CACNA1D: variants seen among roughly 807,000 people sequenced by gnomAD.
CACNA1D encodes the protein calcium voltage-gated channel subunit alpha1 D, also known as voltage-dependent L-type calcium channel subunit alpha-1D.
A neutral mutation model predicts 257.1 loss-of-function variants in CACNA1D; 55 were observed. That is an observed-to-expected ratio of 0.21 (90% CI 0.17 to 0.27). The LOEUF is 0.27. Among genes scored for constraint, CACNA1D ranks in the 10% least tolerant of loss-of-function variants. The probability of loss-of-function intolerance (pLI) is 1.00; values close to 1 mark genes in which losing one functional copy is unlikely to be tolerated. For missense variants in CACNA1D, 1,876 were observed against 2,784.0 expected, an observed-to-expected ratio of 0.67 and a Z score of 7.34; for synonymous variants, 980 against 1,014.9, an observed-to-expected ratio of 0.97 and a Z score of 0.65.
intron 8 of CACNA1D, among the ~76,000 whole-genome samples, chr3:53,699,872 C>G (rs1187455597): frequency 6.6e-6 from 1 of 151,862 alleles, no homozygotes; most frequent in African/African-American, 2.4e-5. Context: ...TTTACTTATG[C>G]CTGCTTACCT....
At chr3:53,633,380 G>A (rs768513206) in intron 3 of CACNA1D, among the ~76,000 whole-genome samples, 21 of 152,276 alleles carry the variant, frequency 1.4e-4, no homozygotes, top group Middle Eastern at 3.4e-3. Flanking sequence ...CCGGCTGCTC[G>A]GGAGGCGGAG....
At chr3:53,791,192 C>T (rs1018363223) in intron 40 of CACNA1D, 18 of 584,892 alleles carry the variant, frequency 3.1e-5, no homozygotes, top group South Asian at 2.6e-4. Context: ...AAGGTGGAAG[C>T]GGGGCCGTGG....
Position 53,673,650 on chromosome 3 carries a change from G to A in CACNA1D, c.1220+524G>A. The A allele has an allele frequency of 8.1e-7, 1 of 1,236,662 alleles. No homozygotes were observed. The highest frequency in any genetic ancestry group is 1.2e-6 in the Non-Finnish European group (1 of 835,602). The allele number at this position is 1,236,662 out of a possible 1,614,324, so 76.6% of individuals were successfully genotyped here. A position where few individuals can be genotyped will look rare whatever the true frequency, so the allele number is the denominator to read the frequency against. ...CAAAGCACTGAGAGGTTTGGCAGCT[G>A]CAACTGGGGCTCTGCTCTTTAGTAA... On this transcript the variant is annotated intron_variant, in intron 8 of 47. Coordinates refer to ENST00000350061, the MANE Select transcript of CACNA1D (RefSeq NM_001128840.3). This position sits in a 1 kb window ranked among gnomAD's most constrained non-coding sequence, Gnocchi z 4.1.
At chr3:53,735,250 A>G (rs987734268) in intron 19 of CACNA1D, 124 bp from the exon 20 acceptor site, 4 of 945,378 alleles carry the variant, frequency 4.2e-6, no homozygotes, top group South Asian at 2.6e-5. Flanking sequence ...GGCAGGGTGC[A>G]TGGGCAGCAC....
At position 53,639,130 on chromosome 3, in the gene CACNA1D, T is replaced by C. The variant is rs186843379; in HGVS notation, c.484-11649T>C. Among the ~76,000 whole-genome samples, 37 of 152,326 alleles carry C rather than the reference T, an allele frequency of 2.4e-4. 1 individual carries two copies. The highest frequency in any genetic ancestry group is 8.2e-4 in the African/African-American group (34 of 41,578). On this transcript the variant is annotated intron_variant, in intron 3 of 47. Transcript: ENST00000350061. ...GCCTGTGAACCTCATCTGTGAAATGTAAATAACCCCTTCTCTGCCTATTTG... is the reference window on the plus strand; with the variant it reads ...GCCTGTGAACCTCATCTGTGAAATGCAAATAACCCCTTCTCTGCCTATTTG...
At chr3:53,732,704 G>A (rs1280472620) in intron 18 of CACNA1D, 111 bp from the exon 19 acceptor site, 3 of 948,872 alleles carry the variant, frequency 3.2e-6, no homozygotes, top group Non-Finnish European at 5.2e-6. Context: ...ATTCATGTAA[G>A]CAGGTAGATG....
At chr3:53,782,231 A>C (rs2095428842) in intron 39 of CACNA1D, 1 of 140,560 alleles carries the variant, frequency 7.1e-6, no homozygotes, top group Non-Finnish European at 1.5e-5. Flanking sequence ...ATATATATAC[A>C]CACATACAGT....
At chr3:53,648,058 T>A (rs184998403) in intron 3 of CACNA1D, among the ~76,000 whole-genome samples, 69 of 152,322 alleles carry the variant, frequency 4.5e-4, no homozygotes, top group African/African-American at 1.6e-3. Flanking sequence ...TAAATAAAAG[T>A]CAGAGAGGAA....
chr3:53,613,544 C>CTGTG (rs5849000), intron 3 of CACNA1D, among the ~76,000 whole-genome samples: 3 of 150,642 alleles, frequency 2.0e-5, no homozygotes, highest in East Asian at 3.9e-4. Context: ...GCACGGCCAT[C>CTGTG]TGTGTGTGTG....
At chr3:53,639,082 G>A (rs1291404558) in intron 3 of CACNA1D, among the ~76,000 whole-genome samples, 1 of 152,130 alleles carries the variant, frequency 6.6e-6, no homozygotes, top group Non-Finnish European at 1.5e-5. Context: ...TGTTCACGTT[G>A]ACTGTAGCAA....
intron 3 of CACNA1D, among the ~76,000 whole-genome samples, chr3:53,609,313 G>A (rs1463715739): frequency 2.0e-5 from 3 of 151,010 alleles, no homozygotes; most frequent in Non-Finnish European, 2.9e-5. Flanking sequence ...GGGAGACTGA[G>A]GCAGAAGAAT....
intron 3 of CACNA1D, among the ~76,000 whole-genome samples, chr3:53,513,394 C>G (rs1241957908): frequency 6.6e-6 from 1 of 152,172 alleles, no homozygotes; most frequent in Admixed American, 6.5e-5. Flanking sequence ...GTAATCCTAG[C>G]ACTTTGGGAG....
intron 40 of CACNA1D, among the ~76,000 whole-genome samples, chr3:53,794,917 T>G (rs2095501012): frequency 6.6e-6 from 1 of 152,228 alleles, no homozygotes; most frequent in South Asian, 2.1e-4. Flanking sequence ...GGAATGCTAC[T>G]AGGTCCCCCT....
intron 28 of CACNA1D, among the ~76,000 whole-genome samples, 157 bp downstream of exon 28, chr3:53,752,064 T>C (rs2095230683): frequency 6.6e-6 from 1 of 152,158 alleles, no homozygotes; most frequent in Non-Finnish European, 1.5e-5. Context: ...TGGCTGACAG[T>C]TGTCACGGTA....
intron 4 of CACNA1D, among the ~76,000 whole-genome samples, chr3:53,655,271 T>C (rs2094137327): frequency 6.6e-6 from 1 of 152,232 alleles, no homozygotes; most frequent in South Asian, 2.1e-4. Context: ...AGTGCCACAG[T>C]GAACATTAAC....
At chr3:53,663,025 A>G (rs551602345) in intron 5 of CACNA1D, among the ~76,000 whole-genome samples, 1 of 152,228 alleles carries the variant, frequency 6.6e-6, no homozygotes, top group Admixed American at 6.5e-5. Context: ...ATCCTAATTG[A>G]TCATTTTTGA....
intron 19 of CACNA1D, among the ~76,000 whole-genome samples, chr3:53,734,422 A>G (rs544282356): frequency 1.3e-5 from 2 of 152,252 alleles, no homozygotes; most frequent in East Asian, 3.9e-4. Flanking sequence ...ATATGTGTAT[A>G]CATATATTTA....
chr3:53,739,374 G>A (rs573765939), intron 20 of CACNA1D, among the ~76,000 whole-genome samples: 160 of 152,328 alleles, frequency 1.1e-3, no homozygotes, highest in Non-Finnish European at 1.7e-3. Flanking sequence ...AGACCAACTC[G>A]CCTTTGCAGA....
intron 28 of CACNA1D, among the ~76,000 whole-genome samples, chr3:53,752,580 G>A (rs967767006): frequency 6.6e-6 from 1 of 152,136 alleles, no homozygotes; most frequent in East Asian, 1.9e-4. Context: ...TGTATTTTTA[G>A]TAGAGACAGG....
Sources: gnomAD v4.1 joint callset for allele counts (sites outside exome capture counted in the v4.1 genomes callset) on GRCh38, gnomAD v4.1.1 for gene constraint, Gnocchi (gnomAD v3.1) non-coding constraint, MANE v1.5 for transcripts, NCBI Gene and HGNC (gene_info 2026-07-23, HGNC 2026-07-21) for gene names.